ASH1L: variants seen among roughly 807,000 people sequenced by gnomAD.
The protein encoded by ASH1L is histone-lysine N-methyltransferase ASH1L.
In ASH1L, 23 loss-of-function variants were observed where a neutral mutation model predicts 269.0. The observed-to-expected ratio is 0.09, with a 90% CI of 0.06 to 0.12. ASH1L has a LOEUF of 0.12. Among genes scored for constraint, ASH1L ranks in the 10% least tolerant of loss-of-function variants. The pLI, the probability that ASH1L is intolerant of heterozygous loss-of-function variation, is 1.00. For missense variants in ASH1L, 2,912 were observed against 3,567.8 expected, an observed-to-expected ratio of 0.82 and a Z score of 4.68; for synonymous variants, 1,187 against 1,253.5, an observed-to-expected ratio of 0.95 and a Z score of 1.12.
At chr1:155,562,129 G>T in intron 1 of ASH1L, 24 bp downstream of exon 1, 2 of 1,446,090 alleles carry the variant, frequency 1.4e-6, no homozygotes, top group South Asian at 1.2e-5. Context: ...AGGCCCGAAT[G>T]CCGGCCCAAA....
At chr1:155,516,847 T>C (rs1668533782) in intron 2 of ASH1L, among the ~76,000 whole-genome samples, 1 of 152,066 alleles carries the variant, frequency 6.6e-6, no homozygotes. Context: ...TTTAAAACAA[T>C]TCTGGTTGCA....
chr1:155,371,335 G>A (rs932003375), intron 10 of ASH1L, among the ~76,000 whole-genome samples: 1 of 152,016 alleles, frequency 6.6e-6, no homozygotes, highest in Non-Finnish European at 1.5e-5. Flanking sequence ...ATTACCTGAG[G>A]TCAGGAGTTC....
In ASH1L at chr1:155,435,156, TAAC is replaced by T. The variant is rs576604833; in HGVS notation, c.5828+3168_5828+3170del. Among the ~76,000 whole-genome samples, 11 of 152,186 alleles carry T rather than the reference TAAC, an allele frequency of 7.2e-5. No homozygotes were observed. In the South Asian group the frequency reaches 2.1e-3, roughly 29 times the overall value. On this transcript the variant is annotated intron_variant, in intron 5 of 27. Transcript: ENST00000392403. Reference sequence around the variant, plus strand: ...CTGGGTGACTCGGTCTCAAAAACAATAACAACAACAGCAACAACAAAAACTTAG... The same window carrying T: ...CTGGGTGACTCGGTCTCAAAAACAATAACAACAGCAACAACAAAAACTTAG...
At chr1:155,340,075 A>T (rs1652646013) in intron 25 of ASH1L, among the ~76,000 whole-genome samples, 1 of 152,100 alleles carries the variant, frequency 6.6e-6, no homozygotes, top group Non-Finnish European at 1.5e-5. Flanking sequence ...ATAAGTCTAG[A>T]TGCGAGGAAA....
At chr1:155,421,499 C>T (rs1041172095) in intron 5 of ASH1L, among the ~76,000 whole-genome samples, 1 of 151,124 alleles carries the variant, frequency 6.6e-6, no homozygotes, top group Non-Finnish European at 1.5e-5. Context: ...GGTGAAACCC[C>T]GTCTCTTCTA....
intron 2 of ASH1L, among the ~76,000 whole-genome samples, chr1:155,496,459 A>C (rs1398710950): frequency 2.6e-5 from 4 of 152,268 alleles, no homozygotes; most frequent in Non-Finnish European, 4.4e-5. Context: ...GCACTCATGA[A>C]GTTTAATATA....
intron 2 of ASH1L, among the ~76,000 whole-genome samples, chr1:155,504,234 T>TA (rs1346506953): frequency 6.6e-6 from 1 of 152,128 alleles, no homozygotes; most frequent in Non-Finnish European, 1.5e-5. Context: ...GTGGTTAGTT[T>TA]AAAAAAATAT....
rs536265639 is a variant in ASH1L at position 155,481,371 on chromosome 1, C to T, written c.1499G>A (p.Cys500Tyr). The T allele has an allele frequency of 3.1e-6, 5 of 1,614,126 alleles. No homozygotes were observed. The highest frequency in any genetic ancestry group is 3.3e-5 in the Admixed American group (2 of 60,014). Residue 500 changes from cysteine (C) to tyrosine (Y), a missense_variant, in exon 3 of 28, where the codon TGC becomes TAC. Cys to Tyr is a radical substitution (Grantham distance 194, BLOSUM62 -2). Around this residue, in one of 13 missense-constraint regions of ASH1L, gnomAD observed 715 missense variants for 721.0 expected, o/e 0.99. Transcript: ENST00000392403. ...LEKEMFNEGTCIQQDSFSSSE... is the reference protein window; with the variant it reads ...LEKEMFNEGTYIQQDSFSSSE... ...GGATGAGAAACTGTCTTGCTGAATG[C>T]ATGTTCCTTCATTAAACATTTCTTT...
chr1:155,380,096 T>C lies in ASH1L; in HGVS notation c.6124A>G (p.Arg2042Gly), dbSNP rs373522988. Reference protein sequence around the residue: ...IHVGKYLRQKRIDFQLPYDIL... With the variant: ...IHVGKYLRQKGIDFQLPYDIL... ...TCATAAGGAAGCTGGAAGTCAATTC[T>C]CTTTTGTCTTAGATACTTTCCTGAA... Residue 2042 changes from arginine to glycine, a missense_variant, in exon 8 of 28, where the codon AGA becomes GGA. Coordinates refer to ENST00000392403, the MANE Select transcript of ASH1L (RefSeq NM_018489.3). 9.3e-6 allele frequency: 15 copies of C among 1,613,012 alleles called. No individual in the cohort carries two copies. The highest frequency in any genetic ancestry group is 1.3e-5 in the Non-Finnish European group (15 of 1,179,272).
chr1:155,420,660 G>A (rs1377720625), intron 5 of ASH1L, among the ~76,000 whole-genome samples: 1 of 151,030 alleles, frequency 6.6e-6, no homozygotes, highest in African/African-American at 2.4e-5. Flanking sequence ...AGACCAGCCT[G>A]GCCAACATGG....
At chr1:155,540,485 C>T (rs1007342970) in intron 1 of ASH1L, among the ~76,000 whole-genome samples, 2 of 152,142 alleles carry the variant, frequency 1.3e-5, no homozygotes, top group African/African-American at 2.4e-5. Flanking sequence ...AAAGCAAGCA[C>T]TCAGCTGGGT....
intron 1 of ASH1L, among the ~76,000 whole-genome samples, chr1:155,527,824 G>A (rs1260571443): frequency 6.6e-6 from 1 of 152,050 alleles, no homozygotes; most frequent in African/African-American, 2.4e-5. Flanking sequence ...GGGATGACAG[G>A]CATGAGTCAC....
At chr1:155,380,956 TA>T (rs1163346165) in intron 7 of ASH1L, among the ~76,000 whole-genome samples, 1 of 152,026 alleles carries the variant, frequency 6.6e-6, no homozygotes, top group Non-Finnish European at 1.5e-5. Flanking sequence ...ATGAAATTCT[TA>T]TACATATAGT....
Position 155,451,485 on chromosome 1 carries a change from C to G in ASH1L, c.5086+8312G>C, listed in dbSNP as rs150027551. 2.2e-3 allele frequency among the ~76,000 whole-genome samples: 329 copies of G among 151,600 alleles called. 3 individuals carry two copies. In the East Asian group the frequency reaches 0.038, roughly 17 times the overall value. On this transcript the variant is annotated intron_variant, in intron 4 of 27. Coordinates refer to ENST00000392403, the MANE Select transcript of ASH1L (RefSeq NM_018489.3). ...CTTAGAAATGGGGAGTCTAGGCAGG[C>G]GCGGTGGCTCACGCCCGTAATCACA...
intron 6 of ASH1L, among the ~76,000 whole-genome samples, chr1:155,409,809 G>C (rs1287678144): frequency 2.0e-5 from 3 of 151,938 alleles, no homozygotes; most frequent in South Asian, 2.1e-4. Flanking sequence ...CATGAAGATA[G>C]GATCAAAGAA....
At chr1:155,383,435 C>T (rs1274208471) in intron 7 of ASH1L, among the ~76,000 whole-genome samples, 1 of 152,152 alleles carries the variant, frequency 6.6e-6, no homozygotes, top group East Asian at 1.9e-4. Flanking sequence ...TGTATTTTTA[C>T]TGTACCTTTT....
At chr1:155,490,968 C>CAAAAAAAAAAAAAAAAAAA (rs767615285) in intron 2 of ASH1L, among the ~76,000 whole-genome samples, 1 of 61,380 alleles carries the variant, frequency 1.6e-5, no homozygotes. Flanking sequence ...ACCCTGATTC[C>CAAAAAAAAAAAAAAAAAAA]AAAAAAAAAA....
Position 155,481,973 on chromosome 1 carries a change from C to T in ASH1L, c.897G>A (p.Leu299=). The change falls in exon 3 of 28, where the codon TTG becomes TTA. Residue 299 remains leucine, a synonymous_variant. Coordinates refer to ENST00000392403, the MANE Select transcript of ASH1L (RefSeq NM_018489.3). ...KKPVFNAAVG[L]VNKDSVKKLG... ...GTTTTTTCACAGAGTCCTTATTGAC[C>T]AATCCTACTGCTGCATTAAACACTG... 6.2e-7 allele frequency: 1 copy of T among 1,614,132 alleles called. No individual in the cohort carries two copies. Among genetic ancestry groups the T allele is most frequent in the Non-Finnish European group, 8.5e-7 (1 of 1,180,018 alleles).
At chr1:155,466,219 T>A (rs527847935) in intron 3 of ASH1L, among the ~76,000 whole-genome samples, 19 of 152,190 alleles carry the variant, frequency 1.2e-4, no homozygotes, top group Non-Finnish European at 2.6e-4. Flanking sequence ...CCAGGCGTGG[T>A]GGCGGGCACC....
Sources: allele counts gnomAD v4.1 joint callset (sites outside exome capture counted in the v4.1 genomes callset), GRCh38; gene constraint gnomAD v4.1.1; regional missense constraint gnomAD v4.1.1; transcripts MANE v1.5; gene names NCBI Gene and HGNC (gene_info 2026-07-23, HGNC 2026-07-21).